The following UST variants were observed in gnomAD, a reference collection of about 807,000 sequenced individuals.
UST encodes chondroitin sulfate 2-O-sulfotransferase.
A neutral mutation model predicts 45.6 loss-of-function variants in UST; 21 were observed. The observed-to-expected ratio is 0.46, with a 90% CI of 0.33 to 0.66. The LOEUF (loss-of-function observed/expected upper bound fraction) is 0.66, where lower values mean the gene tolerates loss of function less well. Ranked by LOEUF, UST falls within the 30% of genes least tolerant of loss-of-function variation. The probability of loss-of-function intolerance (pLI) is 0.02; values close to 1 mark genes in which losing one functional copy is unlikely to be tolerated. For missense variants in UST, 463 were observed against 512.4 expected (o/e 0.90, Z 0.93); for synonymous variants, 215 against 200.6 (o/e 1.07, Z -0.61).
chr6:148,846,582 A>G (rs1777995956), intron 1 of UST, among the ~76,000 whole-genome samples: 1 of 151,834 alleles, frequency 6.6e-6, no homozygotes, highest in Admixed American at 6.6e-5. Context: ...ATGTACCCTA[A>G]AACTTAAAGT....
intron 2 of UST, among the ~76,000 whole-genome samples, chr6:148,909,469 T>A (rs1582891592): frequency 6.6e-6 from 1 of 152,342 alleles, no homozygotes; most frequent in East Asian, 1.9e-4. Context: ...CATATATGTA[T>A]AAAATTAAAA....
At chr6:149,041,428 C>T (rs1776312485) in intron 7 of UST, among the ~76,000 whole-genome samples, 1 of 152,326 alleles carries the variant, frequency 6.6e-6, no homozygotes, top group South Asian at 2.1e-4. Context: ...GTGTGACTGG[C>T]CTGTTGAGGT....
intron 1 of UST, among the ~76,000 whole-genome samples, chr6:148,817,928 G>C (rs1219545477): frequency 6.6e-6 from 1 of 152,180 alleles, no homozygotes; most frequent in Non-Finnish European, 1.5e-5. Flanking sequence ...AGTATAGTCT[G>C]TGGCTGCTGT....
chr6:149,065,400 G>A (rs75042193), intron 7 of UST, among the ~76,000 whole-genome samples: 3,118 of 152,234 alleles, frequency 0.02, 112 homozygotes, highest in African/African-American at 0.071. Context: ...ACCGATTATC[G>A]TACAGCAAGA....
At chr6:149,055,283 T>G (rs143040847) in intron 7 of UST, among the ~76,000 whole-genome samples, 1 of 152,356 alleles carries the variant, frequency 6.6e-6, no homozygotes, top group African/African-American at 2.4e-5. Flanking sequence ...GTTACTATTA[T>G]TATATCAAAA....
At chr6:148,991,680 A>G (rs1215323763) in intron 5 of UST, among the ~76,000 whole-genome samples, 1 of 152,120 alleles carries the variant, frequency 6.6e-6, no homozygotes, top group African/African-American at 2.4e-5. Context: ...GTCATGGTAG[A>G]TATTAGACCC....
chr6:149,052,479 A>G (rs1776501786), intron 7 of UST, among the ~76,000 whole-genome samples: 1 of 152,162 alleles, frequency 6.6e-6, no homozygotes, highest in South Asian at 2.1e-4. Context: ...CAACTTAGAG[A>G]TGATTCATAA....
intron 2 of UST, among the ~76,000 whole-genome samples, chr6:148,935,542 A>T (rs1780008027): frequency 6.6e-6 from 1 of 152,234 alleles, no homozygotes; most frequent in Non-Finnish European, 1.5e-5. Flanking sequence ...GATTGATCCT[A>T]AGAGGTCTTT....
intron 1 of UST, among the ~76,000 whole-genome samples, chr6:148,762,939 G>A (rs1776248435): frequency 6.6e-6 from 1 of 152,166 alleles, no homozygotes; most frequent in Non-Finnish European, 1.5e-5. Context: ...TGACTTTGCT[G>A]TTGTGAATAG....
chr6:148,895,181 T>C (rs1470661637), intron 2 of UST, among the ~76,000 whole-genome samples: 2 of 152,258 alleles, frequency 1.3e-5, no homozygotes, highest in Non-Finnish European at 2.9e-5. Flanking sequence ...CCCAACCTTC[T>C]TTCTTCACTT....
intron 5 of UST, among the ~76,000 whole-genome samples, chr6:148,973,942 A>C (rs1780969181): frequency 6.6e-6 from 1 of 152,242 alleles, no homozygotes; most frequent in Non-Finnish European, 1.5e-5. Context: ...ATTGAATTAG[A>C]TAGTGTGTAA....
chr6:148,754,378 T>C (rs1368596927), intron 1 of UST, among the ~76,000 whole-genome samples: 1 of 152,080 alleles, frequency 6.6e-6, no homozygotes, highest in South Asian at 2.1e-4. Flanking sequence ...TCTTTAGTGG[T>C]GATTTGTGAG....
intron 4 of UST, among the ~76,000 whole-genome samples, chr6:148,964,184 A>G (rs1434614187): frequency 6.6e-6 from 1 of 152,146 alleles, no homozygotes; most frequent in Non-Finnish European, 1.5e-5. Flanking sequence ...AAATGTCCTC[A>G]CAGCCCCTCA....
In UST at chr6:148,832,612, C is replaced by T. The variant is rs192284817; in HGVS notation, c.248-54374C>T. Among the ~76,000 whole-genome samples, 14 of 152,232 alleles carry T rather than the reference C, an allele frequency of 9.2e-5. No individual in the cohort carries two copies. In the East Asian group the frequency reaches 1.7e-3, roughly 19 times the overall value. ...TATCACACATTGAGTTGGTTATAAA[C>T]CTGATGGTGATTTAGTTGTTTGGAG... On this transcript the variant is annotated intron_variant, in intron 1 of 7. Coordinates refer to ENST00000367463, the MANE Select transcript of UST (RefSeq NM_005715.3).
intron 7 of UST, among the ~76,000 whole-genome samples, chr6:149,035,469 T>C (rs571381228): frequency 6.6e-6 from 1 of 152,262 alleles, no homozygotes; most frequent in South Asian, 2.1e-4. Flanking sequence ...AAAGAGCTAA[T>C]TGCAGCCGGA....
intron 2 of UST, among the ~76,000 whole-genome samples, chr6:148,904,373 T>C (rs1412852794): frequency 6.6e-6 from 1 of 152,152 alleles, no homozygotes; most frequent in East Asian, 1.9e-4. Context: ...AGTGCAATGT[T>C]GTTTAGAGGG....
intron 5 of UST, among the ~76,000 whole-genome samples, chr6:148,964,941 A>G (rs74667766): frequency 6.6e-6 from 1 of 152,048 alleles, no homozygotes; most frequent in Non-Finnish European, 1.5e-5. Context: ...CCCTCAGCCC[A>G]TTCAGTTCCC....
intron 1 of UST, among the ~76,000 whole-genome samples, chr6:148,877,449 TG>T (rs1348504549): frequency 3.7e-5 from 1 of 27,112 alleles, no homozygotes; most frequent in African/African-American, 1.7e-4. Context: ...CGCGTATGAG[TG>T]GGGGGATCGT....
At chr6:148,941,140 A>G (rs1370577183) in intron 2 of UST, 139 bp from the exon 3 acceptor site, 4 of 945,662 alleles carry the variant, frequency 4.2e-6, no homozygotes, top group Non-Finnish European at 3.2e-6. Flanking sequence ...ACTGATATAC[A>G]TCCTTTTTAT....
Sources: gnomAD v4.1 joint callset for allele counts (sites outside exome capture counted in the v4.1 genomes callset) on GRCh38, gnomAD v4.1.1 for gene constraint, MANE v1.5 for transcripts, NCBI Gene and HGNC (gene_info 2026-07-23, HGNC 2026-07-21) for gene names.